The following LRRTM4 variants were observed in gnomAD, a reference collection of about 807,000 sequenced individuals.
LRRTM4 encodes the protein leucine-rich repeat transmembrane neuronal protein 4.
LRRTM4 carries 25 observed loss-of-function variants against 47.6 expected under a neutral mutation model. The ratio of observed to expected loss-of-function variants is 0.53; its 90% CI spans 0.38 to 0.73. The LOEUF (loss-of-function observed/expected upper bound fraction) is 0.73. Among genes scored for constraint, LRRTM4 ranks in the 30% least tolerant of loss-of-function variants. LRRTM4 has a pLI of 0.00. For synonymous variants in LRRTM4, 311 were observed against 269.5 expected (o/e 1.15, Z -1.51); for missense variants, 638 against 713.4 (o/e 0.89, Z 1.20).
chr2:76,925,694 T>A (rs937228111), intron 3 of LRRTM4, among the ~76,000 whole-genome samples: 2 of 152,144 alleles, frequency 1.3e-5, no homozygotes, highest in Non-Finnish European at 2.9e-5. Context: ...TATCTTTTCT[T>A]AAATGTCTCA....
intron 3 of LRRTM4, among the ~76,000 whole-genome samples, chr2:77,019,907 C>T (rs1008412582): frequency 2.0e-5 from 3 of 151,822 alleles, no homozygotes; most frequent in Non-Finnish European, 2.9e-5. Context: ...GAAAGAATGT[C>T]AAACAAAATG....
chr2:77,374,758 C>A (rs1275438001), intron 3 of LRRTM4, among the ~76,000 whole-genome samples: 1 of 151,782 alleles, frequency 6.6e-6, no homozygotes, highest in African/African-American at 2.4e-5. Context: ...TTTACAAATG[C>A]AGTATCAAAT....
At chr2:76,921,700 T>A (rs1241026085) in intron 3 of LRRTM4, among the ~76,000 whole-genome samples, 1 of 152,142 alleles carries the variant, frequency 6.6e-6, no homozygotes, top group Non-Finnish European at 1.5e-5. Context: ...CAGTTAGGTA[T>A]CTTTTATTTT....
rs1478239794 is a variant in LRRTM4 at position 76,778,885 on chromosome 2, T to C, written c.1552-29969A>G. Among the ~76,000 whole-genome samples, 152 of 151,288 alleles carry C rather than the reference T, an allele frequency of 1.0e-3. 1 individual carries two copies. The highest frequency in any genetic ancestry group is 2.7e-3 in the African/African-American group (111 of 40,666). On this transcript the variant is annotated intron_variant, in intron 3 of 3. Coordinates refer to ENST00000409884, the MANE Select transcript of LRRTM4 (RefSeq NM_001134745.3). ...CAATTTTGGATCTTTCCTGCTTTCT[T>C]TTGTGGGCATTTAGTGCTATAAATT...
intron 3 of LRRTM4, among the ~76,000 whole-genome samples, chr2:77,312,458 C>T (rs966418963): frequency 2.0e-5 from 3 of 152,166 alleles, no homozygotes; most frequent in African/African-American, 7.2e-5. Flanking sequence ...CAATGATTTA[C>T]TTTGAACTTC....
At chr2:77,088,728 GTCCTCCTGCTCTTTGCTCCTTGAGAAAGA>G (rs1680816426) in intron 3 of LRRTM4, among the ~76,000 whole-genome samples, 1 of 152,088 alleles carries the variant, frequency 6.6e-6, no homozygotes, top group African/African-American at 2.4e-5. Flanking sequence ...TCAATCCCCC[GTCCTCCTGCTCTTTGCTCCTTGAGAAAGA>G]TCCACCTACG....
chr2:77,144,527 C>T (rs1358723548), intron 3 of LRRTM4, among the ~76,000 whole-genome samples: 1 of 152,130 alleles, frequency 6.6e-6, no homozygotes, highest in Non-Finnish European at 1.5e-5. Flanking sequence ...GAAAAACACA[C>T]TGGTCCACAG....
intron 3 of LRRTM4, among the ~76,000 whole-genome samples, chr2:76,874,369 C>G (rs889624428): frequency 6.6e-6 from 1 of 151,924 alleles, no homozygotes; most frequent in African/African-American, 2.4e-5. Context: ...TATGGCTATA[C>G]TGTAATCACC....
chr2:77,480,742 C>A (rs1161929823), intron 3 of LRRTM4, among the ~76,000 whole-genome samples: 1 of 149,954 alleles, frequency 6.7e-6, no homozygotes, highest in East Asian at 2.0e-4. Context: ...CTCTCCAACA[C>A]TCTGACATTC....
At chr2:77,063,640 A>T (rs1476063990) in intron 3 of LRRTM4, among the ~76,000 whole-genome samples, 1 of 152,118 alleles carries the variant, frequency 6.6e-6, no homozygotes, top group Non-Finnish European at 1.5e-5. Context: ...CAAGTTAAAA[A>T]CCAAATCAAC....
intron 3 of LRRTM4, among the ~76,000 whole-genome samples, chr2:76,769,375 T>A (rs1236204495): frequency 6.6e-6 from 1 of 152,180 alleles, no homozygotes; most frequent in African/African-American, 2.4e-5. Flanking sequence ...GGAAGATATT[T>A]AAGGCCTGCT....
At chr2:77,186,058 A>C (rs1673496442) in intron 3 of LRRTM4, among the ~76,000 whole-genome samples, 1 of 152,210 alleles carries the variant, frequency 6.6e-6, no homozygotes, top group African/African-American at 2.4e-5. Context: ...AAAGCTACAG[A>C]GTGGCAGAAC....
At chr2:76,768,974 CTAGT>C (rs1673572104) in intron 3 of LRRTM4, among the ~76,000 whole-genome samples, 1 of 152,094 alleles carries the variant, frequency 6.6e-6, no homozygotes, top group Non-Finnish European at 1.5e-5. Context: ...ACACATCACT[CTAGT>C]TAGTGTTACA....
At chr2:77,373,308 C>T (rs897260371) in intron 3 of LRRTM4, among the ~76,000 whole-genome samples, 5 of 151,138 alleles carry the variant, frequency 3.3e-5, no homozygotes, top group African/African-American at 1.2e-4. Context: ...TTAGTTGTTA[C>T]ATCTTAGAAA....
intron 3 of LRRTM4, among the ~76,000 whole-genome samples, chr2:76,915,428 A>C (rs1386134528): frequency 2.6e-5 from 4 of 152,210 alleles, no homozygotes; most frequent in African/African-American, 4.8e-5. Flanking sequence ...AGTAATAGGC[A>C]AAGATTGTTT....
intron 3 of LRRTM4, among the ~76,000 whole-genome samples, chr2:77,308,071 T>C (rs1309699194): frequency 7.0e-6 from 1 of 142,578 alleles, no homozygotes; most frequent in East Asian, 2.1e-4. Flanking sequence ...TATATCTATA[T>C]AACATATATA....
chr2:77,312,284 A>T (rs1172796306), intron 3 of LRRTM4, among the ~76,000 whole-genome samples: 1 of 143,992 alleles, frequency 6.9e-6, no homozygotes, highest in East Asian at 2.2e-4. Context: ...TCTTTTATTC[A>T]CATTGCCTTT....
intron 3 of LRRTM4, among the ~76,000 whole-genome samples, chr2:76,930,528 T>G (rs945114841): frequency 2.0e-5 from 3 of 152,218 alleles, no homozygotes; most frequent in African/African-American, 7.2e-5. Flanking sequence ...AGTGTGCTGA[T>G]GGCACCATCT....
chr2:77,123,638 GT>G (rs978710354), intron 3 of LRRTM4, among the ~76,000 whole-genome samples: 2 of 151,846 alleles, frequency 1.3e-5, no homozygotes, highest in African/African-American at 4.8e-5. Context: ...TAAAAAGGAG[GT>G]TTTTTCTCTT....
Sources: allele counts gnomAD v4.1 joint callset (sites outside exome capture counted in the v4.1 genomes callset), GRCh38; gene constraint gnomAD v4.1.1; transcripts MANE v1.5; gene names NCBI Gene and HGNC (gene_info 2026-07-23, HGNC 2026-07-21).